ZBTB5: variants seen among roughly 807,000 people sequenced by gnomAD.
The protein encoded by ZBTB5 is zinc finger and BTB domain containing 5.
ZBTB5 carries 15 observed loss-of-function variants against 37.9 expected under a neutral mutation model. The ratio of observed to expected loss-of-function variants is 0.40; its 90% confidence interval spans 0.26 to 0.61. The LOEUF (loss-of-function observed/expected upper bound fraction) is 0.61. Ranked by LOEUF, ZBTB5 falls within the 20% of genes least tolerant of loss-of-function variation. ZBTB5 has a pLI of 0.47. For synonymous variants in ZBTB5, 315 were observed against 312.4 expected, an observed-to-expected ratio of 1.01 and a Z score of -0.09; for missense variants, 708 against 856.8, an observed-to-expected ratio of 0.83 and a Z score of 2.17.
chr9:37,445,301 GTCTGAAATAGGTTATC>G (rs979662563), intron 1 of ZBTB5, among the ~76,000 whole-genome samples: 3 of 152,114 alleles, frequency 2.0e-5, no homozygotes, highest in African/African-American at 7.2e-5. Flanking sequence ...TAGAAATACA[GTCTGAAATAGGTTATC>G]TCAAAAAATA....
chr9:37,440,293 C>A lies in ZBTB5; in HGVS notation c.*225G>T. On this transcript the variant is annotated 3_prime_UTR_variant, in exon 2 of 2. Transcript: ENST00000307750. ...ACTTTCTGACTGCATTACTCAACCC[C>A]AAGGAAGCACCTGGTTTCAGGGATT... 1.9e-6 allele frequency: 1 copy of A among 537,778 alleles called. No homozygotes were observed. 33.3% of individuals were successfully genotyped at this position (537,778 alleles called of 1,614,324 possible).
chr9:37,455,776 C>T (rs1289150632), intron 1 of ZBTB5, among the ~76,000 whole-genome samples: 1 of 151,888 alleles, frequency 6.6e-6, no homozygotes, highest in Non-Finnish European at 1.5e-5. Context: ...CTTGTAGAGA[C>T]GATATAGATG....
chr9:37,459,829 G>C (rs1359897065), intron 1 of ZBTB5, among the ~76,000 whole-genome samples: 1 of 151,196 alleles, frequency 6.6e-6, no homozygotes, highest in African/African-American at 2.4e-5. Flanking sequence ...TCCTGCCTTA[G>C]CCTCCCAAGT....
rs769253488 is a variant in ZBTB5, at chr9:37,441,782, G to A, written c.770C>T (p.Ala257Val). Residue 257 changes from alanine to valine, a missense_variant, in exon 2 of 2, where the codon GCG becomes GTG. Physicochemically the swap from Ala to Val is moderately conservative, Grantham distance 64. Around this residue, in one of 3 missense-constraint regions of ZBTB5, gnomAD observed 639 missense variants for 690.5 expected, o/e 0.93. Coordinates refer to ENST00000307750, the MANE Select transcript of ZBTB5 (RefSeq NM_014872.3). ...DGMTDNQEDSAIMFDQSFGTQ... is the reference protein window; with the variant it reads ...DGMTDNQEDSVIMFDQSFGTQ... The stretch of plus-strand genomic sequence containing the variant: ...GCCAAAAGACTGATCAAACATGATC[G>A]CACTATCTTCCTGGTTATCAGTCAT... 2.1e-5 allele frequency: 34 copies of A among 1,613,778 alleles called. No homozygotes were observed. Among genetic ancestry groups the A allele is most frequent in the South Asian group, 5.5e-5 (5 of 91,066 alleles).
intron 1 of ZBTB5, among the ~76,000 whole-genome samples, chr9:37,443,081 G>A (rs1338092316): frequency 1.3e-5 from 2 of 152,166 alleles, no homozygotes; most frequent in Non-Finnish European, 2.9e-5. Flanking sequence ...CCGGCATGGA[G>A]GCTCATGCCT....
At chr9:37,447,875 G>T (rs1227909619) in intron 1 of ZBTB5, among the ~76,000 whole-genome samples, 1 of 151,496 alleles carries the variant, frequency 6.6e-6, no homozygotes, top group East Asian at 1.9e-4. Context: ...AAATTACGGG[G>T]CTGGGCATGG....
rs900060696 is a variant in ZBTB5, at chr9:37,465,384, C to T, written c.-174G>A. 7 of 149,154 alleles carry T rather than the reference C, an allele frequency of 4.7e-5. No individual in the cohort carries two copies. Among genetic ancestry groups the T allele is most frequent in the Non-Finnish European group, 1.0e-4 (7 of 67,068 alleles). The allele number at this position is 149,154 out of a possible 1,614,324, so 9.2% of individuals were successfully genotyped here. ...CCACCCCGCCTCTAGTCCCCTAGCT[C>T]CTCCAGCCAGTTCGCCGCAGCACTC... On this transcript the variant is annotated 5_prime_UTR_variant, in exon 1 of 2. Coordinates refer to ENST00000307750, the MANE Select transcript of ZBTB5 (RefSeq NM_014872.3).
In ZBTB5 at chr9:37,440,463, C is replaced by A; in HGVS notation, c.*55G>T. On this transcript the variant is annotated 3_prime_UTR_variant, in exon 2 of 2. Transcript: ENST00000307750. Reference sequence around the variant, plus strand: ...GAACCCAAAGGCATTAACTGCTTACCAAAAGAAATTCAGTCTGACAACTGG... The same window carrying A: ...GAACCCAAAGGCATTAACTGCTTACAAAAAGAAATTCAGTCTGACAACTGG... 1.3e-6 allele frequency: 2 copies of A among 1,549,712 alleles called. No individual in the cohort carries two copies. The highest frequency in any genetic ancestry group is 1.8e-5 in the Admixed American group (1 of 56,638).
chr9:37,462,264 A>G (rs1824306726), intron 1 of ZBTB5, among the ~76,000 whole-genome samples: 1 of 152,210 alleles, frequency 6.6e-6, no homozygotes, highest in Admixed American at 6.5e-5. Flanking sequence ...TCCTGTCTTC[A>G]AGGAAGGAAA....
intron 1 of ZBTB5, among the ~76,000 whole-genome samples, chr9:37,462,250 G>A (rs1467634170): frequency 1.3e-5 from 2 of 152,140 alleles, no homozygotes; most frequent in Non-Finnish European, 2.9e-5. Context: ...GCTTACTTAT[G>A]GTATCCTGTC....
intron 1 of ZBTB5, among the ~76,000 whole-genome samples, chr9:37,461,832 T>G (rs139047574): frequency 5.8e-4 from 88 of 152,324 alleles, no homozygotes; most frequent in African/African-American, 2.0e-3. Context: ...ACCTATCACT[T>G]AATCATCCTT....
At chr9:37,461,908 G>A (rs998834185) in intron 1 of ZBTB5, among the ~76,000 whole-genome samples, 6 of 152,062 alleles carry the variant, frequency 3.9e-5, no homozygotes, top group Non-Finnish European at 5.9e-5. Context: ...TATCACGCTC[G>A]ATAGGCTTCT....
intron 1 of ZBTB5, among the ~76,000 whole-genome samples, chr9:37,460,224 G>C (rs1208298852): frequency 1.3e-5 from 2 of 151,958 alleles, no homozygotes; most frequent in African/African-American, 4.8e-5. Context: ...GATCAACTGA[G>C]GTCGGAAGTT....
At chr9:37,462,415 G>C (rs946034752) in intron 1 of ZBTB5, among the ~76,000 whole-genome samples, 1 of 152,032 alleles carries the variant, frequency 6.6e-6, no homozygotes, top group Non-Finnish European at 1.5e-5. Flanking sequence ...TCAAATCCAC[G>C]GACCAGATTG....
In ZBTB5 at chr9:37,440,480, G is replaced by A. The variant is rs759283583; in HGVS notation, c.*38C>T. The A allele has an allele frequency of 6.3e-7, 1 of 1,586,066 alleles. No homozygotes were observed. The highest frequency in any genetic ancestry group is 8.6e-7 in the Non-Finnish European group (1 of 1,159,996). ...CTGCTTACCAAAAGAAATTCAGTCTGACAACTGGCCTCAGCGTTGTCTTGT... is the reference window on the plus strand; with the variant it reads ...CTGCTTACCAAAAGAAATTCAGTCTAACAACTGGCCTCAGCGTTGTCTTGT... On this transcript the variant is annotated 3_prime_UTR_variant, in exon 2 of 2. Transcript: ENST00000307750.
chr9:37,450,351 G>C (rs1387307844), intron 1 of ZBTB5, among the ~76,000 whole-genome samples: 1 of 152,028 alleles, frequency 6.6e-6, no homozygotes, highest in African/African-American at 2.4e-5. Context: ...ATTATAAAAA[G>C]TTCTGACCTC....
chr9:37,465,390 G>A lies in ZBTB5; in HGVS notation c.-180C>T, dbSNP rs995810787. On this transcript the variant is annotated 5_prime_UTR_variant, in exon 1 of 2. Transcript: ENST00000307750. Reference sequence around the variant, plus strand: ...CGCCTCTAGTCCCCTAGCTCCTCCAGCCAGTTCGCCGCAGCACTCTGAGAA... The same window carrying A: ...CGCCTCTAGTCCCCTAGCTCCTCCAACCAGTTCGCCGCAGCACTCTGAGAA... 1 of 105,672 alleles carries A rather than the reference G, an allele frequency of 9.5e-6. No homozygotes were observed. 6.5% of individuals were successfully genotyped at this position (105,672 alleles called of 1,614,324 possible).
At chr9:37,462,994 C>T (rs139268984) in intron 1 of ZBTB5, among the ~76,000 whole-genome samples, 1 of 151,908 alleles carries the variant, frequency 6.6e-6, no homozygotes, top group East Asian at 1.9e-4. Flanking sequence ...GAGAGCTGTT[C>T]CATCACTCAA....
chr9:37,455,197 A>G (rs1206465665), intron 1 of ZBTB5, among the ~76,000 whole-genome samples: 8 of 152,196 alleles, frequency 5.3e-5, no homozygotes, highest in East Asian at 1.9e-4. Flanking sequence ...AGAGGAGCAT[A>G]AGAGCAGCGT....
Sources: allele counts gnomAD v4.1 joint callset (sites outside exome capture counted in the v4.1 genomes callset), GRCh38; gene constraint gnomAD v4.1.1; regional missense constraint gnomAD v4.1.1; transcripts MANE v1.5; gene names NCBI Gene and HGNC (gene_info 2026-07-23, HGNC 2026-07-21).